C1QTNF8: variants seen among roughly 807,000 people sequenced by gnomAD.
C1QTNF8 encodes C1q and TNF related 8, also known as complement C1q tumor necrosis factor-related protein 8.
A neutral mutation model predicts 19.2 loss-of-function variants in C1QTNF8; 27 were observed. The observed-to-expected ratio is 1.41, with a 90% CI of 1.04 to 1.94. The LOEUF is 1.94. C1QTNF8 is among the 30% of genes most tolerant of loss of function. The pLI, the probability that C1QTNF8 is intolerant of heterozygous loss-of-function variation, is 0.00. For synonymous variants in C1QTNF8, 208 were observed against 172.8 expected (o/e 1.20, Z -1.60); for missense variants, 484 against 374.4 (o/e 1.29, Z -2.42).
In C1QTNF8 at chr16:1,094,009, C is replaced by A; in HGVS notation, c.251G>T (p.Ser84Ile). Residue 84 changes from serine to isoleucine, a missense_variant, in exon 4 of 5, where the codon AGC becomes ATC. Physicochemically the swap from Ser to Ile is moderately radical, Grantham distance 142 (BLOSUM62 -2). Coordinates refer to ENST00000328449, the MANE Select transcript of C1QTNF8 (RefSeq NM_207419.3). ...GGCGCCTGGCGGCCCCTCTTTCCCGCTCCTGCCGGCCCGACCTCGGACGCC... is the reference window on the plus strand; with the variant it reads ...GGCGCCTGGCGGCCCCTCTTTCCCGATCCTGCCGGCCCGACCTCGGACGCC... The part of the protein sequence containing the change: ...EAGVRGRAGR[S>I]GKEGPPGARG... The A allele has an allele frequency of 2.0e-6, 3 of 1,486,574 alleles. No individual in the cohort carries two copies. Among genetic ancestry groups the A allele is most frequent in the Non-Finnish European group, 1.8e-6 (2 of 1,135,192 alleles). 92.1% of individuals were successfully genotyped at this position (1,486,574 alleles called of 1,614,324 possible).
At chr16:1,094,585 G>A (rs957161609) in intron 3 of C1QTNF8, 130 bp downstream of exon 3, 19 of 662,058 alleles carry the variant, frequency 2.9e-5, no homozygotes, top group Admixed American at 2.6e-4. Context: ...TGCAGGGAGC[G>A]CTGCCAGGGC....
chr16:1,091,261 C>T (rs558223139), intron 4 of C1QTNF8, among the ~76,000 whole-genome samples: 2 of 152,218 alleles, frequency 1.3e-5, no homozygotes, highest in East Asian at 1.9e-4. Context: ...TGCCCCCACC[C>T]GGGGATGCTT....
At chr16:1,095,539 C>T (rs894193265) in intron 2 of C1QTNF8, 76 bp downstream of exon 2, 15 of 152,358 alleles carry the variant, frequency 9.8e-5, no homozygotes, top group African/African-American at 2.6e-4. Flanking sequence ...CTGGGTCCCC[C>T]TGAGCAAGGT....
rs1428865031 is a variant in C1QTNF8, at chr16:1,090,302, C to G, written c.*297G>C. 6.6e-6 allele frequency: 1 copy of G among 152,450 alleles called. No individual in the cohort carries two copies. Among genetic ancestry groups the G allele is most frequent in the Non-Finnish European group, 1.5e-5 (1 of 68,284 alleles). The allele number at this position is 152,450 out of a possible 1,614,324, so 9.4% of individuals were successfully genotyped here. On this transcript the variant is annotated 3_prime_UTR_variant, in exon 5 of 5. Coordinates refer to ENST00000328449, the MANE Select transcript of C1QTNF8 (RefSeq NM_207419.3). ...AGGCTTGGGCAGTGGGTGGGGGTGG[C>G]GCAGCCGGGACAGAGCCCCTCTCCC... is the stretch of plus-strand genomic sequence containing the variant.
rs73494064 is a variant in C1QTNF8, at chr16:1,088,546, G to A, written c.*2053C>T. ...TCCGCTCCCACCTGGCACTGGCAGC[G>A]TCCCTCAGGCTTTTATCACTTGGCA... On this transcript the variant is annotated 3_prime_UTR_variant, in exon 5 of 5. Coordinates refer to ENST00000328449, the MANE Select transcript of C1QTNF8 (RefSeq NM_207419.3). Among the ~76,000 whole-genome samples the A allele has an allele frequency of 8.0e-3, 1,223 of 152,298 alleles. 14 individuals are homozygous for A. Among genetic ancestry groups the A allele is most frequent in the African/African-American group, 0.028 (1,155 of 41,538 alleles).
At chr16:1,095,389 G>A (rs977740902) in intron 2 of C1QTNF8, among the ~76,000 whole-genome samples, 1 of 152,174 alleles carries the variant, frequency 6.6e-6, no homozygotes, top group African/African-American at 2.4e-5. Flanking sequence ...CAGAGGCACC[G>A]TCTCAGCCAG....
chr16:1,093,501 C>T lies in C1QTNF8; in HGVS notation c.759G>A (p.Ter253=), dbSNP rs764800992. 18 of 1,526,652 alleles carry T rather than the reference C, an allele frequency of 1.2e-5. No homozygotes were observed. Among genetic ancestry groups the T allele is most frequent in the East Asian group, 2.4e-5 (1 of 42,408 alleles). 94.6% of individuals were successfully genotyped at this position (1,526,652 alleles called of 1,614,324 possible). A position where few individuals can be genotyped will look rare whatever the true frequency, so the allele number is the denominator to read the frequency against. Residue 253 remains the stop codon, a stop_retained_variant, in exon 4 of 5, where the codon TAG becomes TAA. Transcript: ENST00000328449. ...CTCAGCCGCGGGGCCCCTCACCCGG[C>T]TACAGCTCGGCGGCCGGCTTGACCA... The part of the protein sequence containing the change: ...GHLVKPAAEL[*]
intron 4 of C1QTNF8, 104 bp downstream of exon 4, chr16:1,093,392 AC>A: frequency 9.0e-6 from 1 of 110,648 alleles, no homozygotes. Flanking sequence ...CACCACACCC[AC>A]ACCCACCCAC....
Position 1,093,921 on chromosome 16 carries a change from TCGGCACGCGGCGC to T in C1QTNF8, c.326_338del (p.Gly109AspfsTer31). ...CCACGGAGAAGGCGGCGTAGGCACG[TCGGCACGCGGCGC>T]CCGGCGGCCCCACCTGCCCCTTCTG... On this transcript the variant is annotated frameshift_variant, in exon 4 of 5. Coordinates refer to ENST00000328449, the MANE Select transcript of C1QTNF8 (RefSeq NM_207419.3). LOFTEE classifies it high-confidence loss of function. The T allele has an allele frequency of 6.6e-7, 1 of 1,521,500 alleles. No individual in the cohort carries two copies. The highest frequency in any genetic ancestry group is 8.7e-7 in the Non-Finnish European group (1 of 1,146,154). 94.2% of individuals were successfully genotyped at this position (1,521,500 alleles called of 1,614,324 possible).
rs1267046013 is a variant in C1QTNF8 at position 1,089,166 on chromosome 16, C to T, written c.*1433G>A. ...TCCCCAGCACAGAACAGGCAGCCTG[C>T]GAGAGGAGATGTCCTCCCTGGCCCT... On this transcript the variant is annotated 3_prime_UTR_variant, in exon 5 of 5. Transcript: ENST00000328449. 3.3e-5 allele frequency among the ~76,000 whole-genome samples: 5 copies of T among 152,134 alleles called. No individual in the cohort carries two copies. Among genetic ancestry groups the T allele is most frequent in the Non-Finnish European group, 2.9e-5 (2 of 67,996 alleles).
intron 4 of C1QTNF8, among the ~76,000 whole-genome samples, chr16:1,092,122 A>G (rs1960558144): frequency 6.6e-6 from 1 of 152,166 alleles, no homozygotes; most frequent in Non-Finnish European, 1.5e-5. Context: ...CGCCCACCGC[A>G]CACCCAGTAC....
intron 4 of C1QTNF8, among the ~76,000 whole-genome samples, chr16:1,091,699 G>T (rs184858198): frequency 6.6e-6 from 1 of 152,112 alleles, no homozygotes; most frequent in Non-Finnish European, 1.5e-5. Context: ...GGCTTCCTCC[G>T]GCTCTGGTGC....
chr16:1,091,271 T>C (rs1477037292), intron 4 of C1QTNF8, among the ~76,000 whole-genome samples: 1 of 152,012 alleles, frequency 6.6e-6, no homozygotes, highest in Non-Finnish European at 1.5e-5. Context: ...CGGGGATGCT[T>C]TATGGAAGGC....
rs1296589685 is a variant in C1QTNF8 at position 1,088,607 on chromosome 16, CTCAG to C, written c.*1988_*1991del. Among the ~76,000 whole-genome samples the C allele has an allele frequency of 2.6e-5, 4 of 152,190 alleles. No homozygotes were observed. Among genetic ancestry groups the C allele is most frequent in the Non-Finnish European group, 4.4e-5 (3 of 68,044 alleles). On this transcript the variant is annotated 3_prime_UTR_variant, in exon 5 of 5. Coordinates refer to ENST00000328449, the MANE Select transcript of C1QTNF8 (RefSeq NM_207419.3). ...ACCGTATCTTATCTCACTTTCAGTT[CTCAG>C]TCATTGTTTTTTAAACAAATAAACC...
Position 1,093,882 on chromosome 16 carries a change from G to C in C1QTNF8, c.378C>G (p.Gly126=), listed in dbSNP as rs1247522252. 6.4e-7 allele frequency: 1 copy of C among 1,573,760 alleles called. No homozygotes were observed. Among genetic ancestry groups the C allele is most frequent in the Non-Finnish European group, 8.6e-7 (1 of 1,168,064 alleles). The change falls in exon 4 of 5, where the codon GGC becomes GGG. Residue 126 remains glycine (G), a synonymous_variant. Coordinates refer to ENST00000328449, the MANE Select transcript of C1QTNF8 (RefSeq NM_207419.3). ...CCTGGAAGTGGTCGGAGCTGTGCAGGCCCTCGCGCCGGCCCACGGAGAAGG... is the reference window on the plus strand; with the variant it reads ...CCTGGAAGTGGTCGGAGCTGTGCAGCCCCTCGCGCCGGCCCACGGAGAAGG... The part of the protein sequence containing the change: ...YAAFSVGRRE[G]LHSSDHFQAV...
rs1316067079 is a variant in C1QTNF8, at chr16:1,089,029, T to G, written c.*1570A>C. ...CGGGACTCTCTTCCTCAGGACCACC[T>G]GCCACCCTGGCAGCACAGGCTCACT... is the stretch of plus-strand genomic sequence containing the variant. On this transcript the variant is annotated 3_prime_UTR_variant, in exon 5 of 5. Coordinates refer to ENST00000328449, the MANE Select transcript of C1QTNF8 (RefSeq NM_207419.3). Among the ~76,000 whole-genome samples the G allele has an allele frequency of 3.9e-5, 6 of 152,144 alleles. No individual in the cohort carries two copies. Among genetic ancestry groups the G allele is most frequent in the African/African-American group, 1.2e-4 (5 of 41,410 alleles).
At chr16:1,090,653 C>T (rs1314924525) in intron 4 of C1QTNF8, 59 bp from the exon 5 acceptor site, 9 of 152,296 alleles carry the variant, frequency 5.9e-5, no homozygotes, top group African/African-American at 2.4e-5. Context: ...AGTCTTCACA[C>T]AAAAACGGCG....
intron 4 of C1QTNF8, among the ~76,000 whole-genome samples, chr16:1,091,611 C>T (rs1960545267): frequency 6.6e-6 from 1 of 152,294 alleles, no homozygotes; most frequent in African/African-American, 2.4e-5. Flanking sequence ...GCCCTCTCTG[C>T]CCCCACAACT....
In C1QTNF8 at chr16:1,094,759, C is replaced by T. The variant is rs532974777; in HGVS notation, c.164G>A (p.Gly55Glu). 26 of 1,556,606 alleles carry T rather than the reference C, an allele frequency of 1.7e-5. No individual in the cohort carries two copies. The highest frequency in any genetic ancestry group is 9.8e-5 in the African/African-American group (7 of 71,350). ...TATAGTGGGCCGTACTCGAGGCAGC[C>T]CCCTCCACAGGTCCCCCCTCCACAG... is the stretch of plus-strand genomic sequence containing the variant. ...RDLWRGDLWR[G>E]LPRVRPTIDI... The change falls in exon 3 of 5, where the codon GGG (glycine) becomes GAG (glutamate). Residue 55 changes from glycine (G) to glutamate (E), a missense_variant. Coordinates refer to ENST00000328449, the MANE Select transcript of C1QTNF8 (RefSeq NM_207419.3).
Sources: gnomAD v4.1 joint callset for allele counts (sites outside exome capture counted in the v4.1 genomes callset) on GRCh38, gnomAD v4.1.1 for gene constraint, MANE v1.5 for transcripts, NCBI Gene and HGNC (gene_info 2026-07-23, HGNC 2026-07-21) for gene names.